LRP1B: variants seen among roughly 807,000 people sequenced by gnomAD.
LRP1B encodes LDL receptor related protein 1B.
A neutral mutation model predicts 556.6 loss-of-function variants in LRP1B; 217 were observed. The ratio of observed to expected loss-of-function variants is 0.39; its 90% confidence interval spans 0.35 to 0.44. The LOEUF (loss-of-function observed/expected upper bound fraction) is 0.44, where lower values mean the gene tolerates loss of function less well. Among genes scored for constraint, LRP1B ranks in the 20% least tolerant of loss-of-function variants. The probability of loss-of-function intolerance (pLI) is 1.00; values close to 1 mark genes in which losing one functional copy is unlikely to be tolerated. For missense variants in LRP1B, 5,053 were observed against 5,620.8 expected, an observed-to-expected ratio of 0.90 and a Z score of 3.23; for synonymous variants, 2,047 against 1,865.8, an observed-to-expected ratio of 1.10 and a Z score of -2.50.
chr2:140,363,236 T>G (rs1470216993), intron 72 of LRP1B, among the ~76,000 whole-genome samples: 2 of 151,738 alleles, frequency 1.3e-5, no homozygotes, highest in East Asian at 3.9e-4. Context: ...TTCTGGCACA[T>G]AATAGCTTGA....
chr2:142,017,665 A>C (rs7593415), intron 1 of LRP1B, among the ~76,000 whole-genome samples: 2 of 151,716 alleles, frequency 1.3e-5, no homozygotes, highest in Non-Finnish European at 2.9e-5. Context: ...ACTTGTGCCC[A>C]AGAGTTTTGA....
intron 57 of LRP1B, among the ~76,000 whole-genome samples, chr2:140,491,293 T>C (rs956472454): frequency 6.6e-6 from 1 of 152,152 alleles, no homozygotes; most frequent in African/African-American, 2.4e-5. Flanking sequence ...TCTAAAGAGA[T>C]AACTTTATTC....
At chr2:141,229,486 A>T in intron 5 of LRP1B, 46 bp from the exon 6 acceptor site, 1 of 1,363,174 alleles carries the variant, frequency 7.3e-7, no homozygotes, top group South Asian at 1.3e-5. Flanking sequence ...AAGAGTCAAG[A>T]TTATTTTACA....
rs985376000 is a variant in LRP1B at position 140,904,612 on chromosome 2, G to A, written c.3521-1447C>T. ...ACCATCAAAGAAGCTACAGTAATAA[G>A]AAAAGGAAAATGATTGTATGAACTG... On this transcript the variant is annotated intron_variant, in intron 22 of 90. Coordinates refer to ENST00000389484, the MANE Select transcript of LRP1B (RefSeq NM_018557.3). Among the ~76,000 whole-genome samples, 5 of 151,924 alleles carry A rather than the reference G, an allele frequency of 3.3e-5. No individual in the cohort carries two copies. In the South Asian group the frequency reaches 1.0e-3, roughly 32 times the overall value.
intron 9 of LRP1B, among the ~76,000 whole-genome samples, chr2:141,056,871 G>T (rs1326762709): frequency 6.6e-6 from 1 of 151,816 alleles, no homozygotes. Context: ...AACATTTAAA[G>T]TAACTCATGA....
chr2:141,369,892 A>G (rs1689168409), intron 3 of LRP1B, among the ~76,000 whole-genome samples: 1 of 152,194 alleles, frequency 6.6e-6, no homozygotes, highest in Admixed American at 6.5e-5. Flanking sequence ...AACATGCAGT[A>G]TTTGACTTGC....
intron 3 of LRP1B, among the ~76,000 whole-genome samples, chr2:141,380,203 T>C (rs952030436): frequency 6.7e-6 from 1 of 149,792 alleles, no homozygotes; most frequent in African/African-American, 2.5e-5. Flanking sequence ...CCTGGGGCTC[T>C]TCCTCTTGGT....
At chr2:141,934,880 G>T (rs1363943407) in intron 1 of LRP1B, among the ~76,000 whole-genome samples, 7 of 152,066 alleles carry the variant, frequency 4.6e-5, no homozygotes, top group African/African-American at 1.7e-4. Flanking sequence ...CCAGTCTTGG[G>T]TATATCTTCA....
At chr2:140,443,865 T>C (rs913015115) in intron 65 of LRP1B, among the ~76,000 whole-genome samples, 3 of 152,214 alleles carry the variant, frequency 2.0e-5, no homozygotes, top group African/African-American at 7.2e-5. Flanking sequence ...AGTTAAATTT[T>C]TGTTAGACCA....
chr2:141,061,670 C>T (rs1699339597), intron 8 of LRP1B, among the ~76,000 whole-genome samples: 2 of 151,798 alleles, frequency 1.3e-5, no homozygotes, highest in Non-Finnish European at 2.9e-5. Flanking sequence ...ATCTCCAACG[C>T]CACATGGGAC....
At chr2:141,295,746 A>AACACACACACACAC (rs376812743) in intron 3 of LRP1B, among the ~76,000 whole-genome samples, 5,382 of 130,510 alleles carry the variant, frequency 0.041, 210 homozygotes, top group East Asian at 0.057. Context: ...TGAGGAGAGA[A>AACACACACACACAC]ACACACACAC....
At chr2:140,599,046 A>G (rs1294843434) in intron 42 of LRP1B, among the ~76,000 whole-genome samples, 1 of 152,160 alleles carries the variant, frequency 6.6e-6, no homozygotes, top group South Asian at 2.1e-4. Context: ...CCTAGAACCT[A>G]CTTCTAAAAA....
chr2:141,982,022 A>G (rs984899668), intron 1 of LRP1B, among the ~76,000 whole-genome samples: 12 of 152,156 alleles, frequency 7.9e-5, no homozygotes, highest in African/African-American at 2.9e-4. Flanking sequence ...AGAAATACCC[A>G]TGTTAGACTA....
At chr2:140,641,811 GT>G (rs1271009886) in intron 41 of LRP1B, among the ~76,000 whole-genome samples, 1 of 152,090 alleles carries the variant, frequency 6.6e-6, no homozygotes, top group African/African-American at 2.4e-5. Flanking sequence ...TTAATACTTT[GT>G]TTTTACTTTT....
At chr2:140,888,491 A>G (rs1693704784) in intron 23 of LRP1B, among the ~76,000 whole-genome samples, 1 of 151,138 alleles carries the variant, frequency 6.6e-6, no homozygotes, top group Non-Finnish European at 1.5e-5. Context: ...ACTTGATTTT[A>G]TATATATATA....
At chr2:141,975,595 CAT>C (rs1456218681) in intron 1 of LRP1B, among the ~76,000 whole-genome samples, 1 of 152,076 alleles carries the variant, frequency 6.6e-6, no homozygotes, top group African/African-American at 2.4e-5. Context: ...AATGTGTTAA[CAT>C]AGTTAGTTGA....
intron 35 of LRP1B, among the ~76,000 whole-genome samples, chr2:140,766,016 C>A (rs910943930): frequency 6.6e-6 from 1 of 151,550 alleles, no homozygotes; most frequent in South Asian, 2.1e-4. Context: ...AGTATAATAA[C>A]AATAAAATAA....
chr2:141,915,525 G>C (rs1233128453), intron 1 of LRP1B, among the ~76,000 whole-genome samples: 1 of 151,974 alleles, frequency 6.6e-6, no homozygotes, highest in Non-Finnish European at 1.5e-5. Flanking sequence ...TTGGCCTTGG[G>C]AACAAATTTA....
At chr2:141,079,263 A>G (rs186390112) in intron 7 of LRP1B, among the ~76,000 whole-genome samples, 4 of 152,340 alleles carry the variant, frequency 2.6e-5, no homozygotes, top group Non-Finnish European at 5.9e-5. Context: ...TTGTCTCTAT[A>G]GCACACAAAA....
Sources: gnomAD v4.1 joint callset for allele counts (sites outside exome capture counted in the v4.1 genomes callset) on GRCh38, gnomAD v4.1.1 for gene constraint, MANE v1.5 for transcripts, NCBI Gene and HGNC (gene_info 2026-07-23, HGNC 2026-07-21) for gene names.